SNX29: variants seen among roughly 807,000 people sequenced by gnomAD.
SNX29 encodes the protein sorting nexin 29.
A neutral mutation model predicts 102.1 loss-of-function variants in SNX29; 78 were observed. The observed-to-expected ratio is 0.76, with a 90% CI of 0.64 to 0.92. The LOEUF (loss-of-function observed/expected upper bound fraction) is 0.92, where lower values mean the gene tolerates loss of function less well. Among genes scored for constraint, SNX29 ranks in the 40% least tolerant of loss-of-function variants. The pLI is 0.00. For synonymous variants in SNX29, 580 were observed against 414.5 expected (o/e 1.40, Z -4.85); for missense variants, 1,280 against 1,061.7 (o/e 1.21, Z -2.86).
At chr16:12,318,979 A>G (rs894353613) in intron 15 of SNX29, among the ~76,000 whole-genome samples, 1 of 152,088 alleles carries the variant, frequency 6.6e-6, no homozygotes, top group Admixed American at 6.6e-5. Flanking sequence ...CTGCTAAATC[A>G]TGGAGGTTTG....
At chr16:12,546,005 AAAAACAG>A (rs2141292800) in intron 20 of SNX29, among the ~76,000 whole-genome samples, 1 of 152,306 alleles carries the variant, frequency 6.6e-6, no homozygotes, top group East Asian at 1.9e-4. Context: ...CCTGGATGCC[AAAAACAG>A]AAAACAAAAA....
Position 12,430,003 on chromosome 16 carries a change from A to T in SNX29, c.2037+26474A>T, listed in dbSNP as rs1052048767. 4.6e-5 allele frequency among the ~76,000 whole-genome samples: 7 copies of T among 152,230 alleles called. No individual in the cohort carries two copies. In the South Asian group the frequency reaches 1.4e-3, roughly 32 times the overall value. On this transcript the variant is annotated intron_variant, in intron 18 of 20. Transcript: ENST00000566228. ...GTTAGGAACCGGGCCACACAGCAGG[A>T]GGTGAGCCGTGGGCCAGCAAGCATT... is the stretch of plus-strand genomic sequence containing the variant.
chr16:12,364,212 T>C (rs9932979), intron 16 of SNX29, among the ~76,000 whole-genome samples: 1 of 149,958 alleles, frequency 6.7e-6, no homozygotes, highest in Non-Finnish European at 1.5e-5. Context: ...TGTTATGTTA[T>C]GTTATTTTTG....
At chr16:12,007,077 A>C (rs1214630608) in intron 3 of SNX29, among the ~76,000 whole-genome samples, 3 of 152,206 alleles carry the variant, frequency 2.0e-5, no homozygotes, top group Non-Finnish European at 4.4e-5. Context: ...TTAAAAAAAA[A>C]AATTATTCTC....
At chr16:12,487,482 A>G (rs2088304112) in intron 19 of SNX29, among the ~76,000 whole-genome samples, 2 of 152,194 alleles carry the variant, frequency 1.3e-5, no homozygotes, top group Non-Finnish European at 2.9e-5. Context: ...GGCAATAAGC[A>G]TCTTGCCCAA....
chr16:12,135,990 G>A (rs569821439), intron 13 of SNX29, among the ~76,000 whole-genome samples: 1 of 152,356 alleles, frequency 6.6e-6, no homozygotes, highest in African/African-American at 2.4e-5. Flanking sequence ...TTCCCTTCGT[G>A]TATGTCACTG....
chr16:12,027,045 C>G (rs1458810390), intron 3 of SNX29, among the ~76,000 whole-genome samples: 6 of 152,194 alleles, frequency 3.9e-5, no homozygotes, highest in African/African-American at 1.4e-4. Flanking sequence ...GCACCCGTCC[C>G]TGTTCCCATG....
intron 4 of SNX29, among the ~76,000 whole-genome samples, chr16:12,039,123 C>G (rs1298399102): frequency 6.6e-6 from 1 of 152,226 alleles, no homozygotes. Context: ...CTTATGCACA[C>G]TCATACAGAT....
chr16:12,503,603 C>G (rs1328488802), intron 19 of SNX29, among the ~76,000 whole-genome samples: 7 of 152,166 alleles, frequency 4.6e-5, no homozygotes, highest in Non-Finnish European at 1.5e-5. Flanking sequence ...TTGAAAAGAG[C>G]AGAAATGGTG....
chr16:12,528,956 T>C (rs1264815703), intron 20 of SNX29, among the ~76,000 whole-genome samples: 1 of 152,220 alleles, frequency 6.6e-6, no homozygotes. Flanking sequence ...AGTCCAGTAT[T>C]AGATGGAACC....
In SNX29 at chr16:12,098,621, C is replaced by G. The variant is rs1023936215; in HGVS notation, c.1402+19706C>G. On this transcript the variant is annotated intron_variant, in intron 11 of 20. Coordinates refer to ENST00000566228, the MANE Select transcript of SNX29 (RefSeq NM_032167.5). This position sits in a 1 kb window ranked among gnomAD's most constrained non-coding sequence, Gnocchi z 6.0. ...CTTCCGTCTGCCGGGACACCCTCCCCTCTCCTCCTCTTTTGCCTGGGTCGT... is the reference window on the plus strand; with the variant it reads ...CTTCCGTCTGCCGGGACACCCTCCCGTCTCCTCCTCTTTTGCCTGGGTCGT... 3.9e-5 allele frequency among the ~76,000 whole-genome samples: 6 copies of G among 152,378 alleles called. No homozygotes were observed. The highest frequency in any genetic ancestry group is 3.4e-3 in the Middle Eastern group (1 of 294).
chr16:12,018,233 A>G (rs1159360983), intron 3 of SNX29, among the ~76,000 whole-genome samples: 1 of 152,124 alleles, frequency 6.6e-6, no homozygotes, highest in Non-Finnish European at 1.5e-5. Flanking sequence ...ATGCCGTTTA[A>G]CAAAATTTTA....
At chr16:12,291,605 T>C (rs182532375) in intron 15 of SNX29, among the ~76,000 whole-genome samples, 1 of 152,320 alleles carries the variant, frequency 6.6e-6, no homozygotes, top group East Asian at 1.9e-4. Flanking sequence ...CAGGTTCACA[T>C]TCATAGGAAA....
In SNX29 at chr16:12,219,063, C is replaced by T. The variant is rs573215577; in HGVS notation, c.1678+19380C>T. ...TGCTGGGATTACAGGTGTGAGCCAC[C>T]GCGCCTGGCCCTGTTTCCAGGTTTT... On this transcript the variant is annotated intron_variant, in intron 14 of 20. Coordinates refer to ENST00000566228, the MANE Select transcript of SNX29 (RefSeq NM_032167.5). Among the ~76,000 whole-genome samples, 33 of 152,202 alleles carry T rather than the reference C, an allele frequency of 2.2e-4. 1 individual carries two copies. The South Asian group carries it at 3.3e-3, about 15-fold the overall frequency.
At chr16:12,062,181 C>T (rs1369686533) in intron 9 of SNX29, among the ~76,000 whole-genome samples, 1 of 151,818 alleles carries the variant, frequency 6.6e-6, no homozygotes, top group Non-Finnish European at 1.5e-5. Context: ...GAGTTTGAGA[C>T]CAGCCTGGCC....
chr16:12,137,162 T>A (rs533394866), intron 13 of SNX29, among the ~76,000 whole-genome samples: 2 of 152,184 alleles, frequency 1.3e-5, no homozygotes, highest in Admixed American at 1.3e-4. Flanking sequence ...CATTTTTTCC[T>A]AGGATTGTTG....
At chr16:11,992,905 C>T (rs2055909822) in intron 1 of SNX29, among the ~76,000 whole-genome samples, 1 of 152,046 alleles carries the variant, frequency 6.6e-6, no homozygotes, top group Admixed American at 6.6e-5. Flanking sequence ...CTCACGCCTG[C>T]AATCCCAGCA....
At chr16:12,435,351 G>A (rs1029183042) in intron 18 of SNX29, among the ~76,000 whole-genome samples, 2 of 152,180 alleles carry the variant, frequency 1.3e-5, no homozygotes, top group East Asian at 3.9e-4. Context: ...CTCTAGATCA[G>A]AAAAAGATCC....
intron 20 of SNX29, among the ~76,000 whole-genome samples, chr16:12,567,239 G>C (rs930983457): frequency 6.6e-6 from 1 of 152,048 alleles, no homozygotes; most frequent in East Asian, 1.9e-4. Flanking sequence ...AGCTAGCTGT[G>C]GACACAGTCC....
Sources: gnomAD v4.1 joint callset for allele counts (sites outside exome capture counted in the v4.1 genomes callset) on GRCh38, gnomAD v4.1.1 for gene constraint, Gnocchi (gnomAD v3.1) non-coding constraint, MANE v1.5 for transcripts, NCBI Gene and HGNC (gene_info 2026-07-23, HGNC 2026-07-21) for gene names.